Variants in MYCBP2 observed in about 807,000 individuals in gnomAD.
The protein encoded by MYCBP2 is MYC binding protein 2.
In MYCBP2, 120 loss-of-function variants were observed where a neutral mutation model predicts 525.3. The ratio of observed to expected loss-of-function variants is 0.23; its 90% confidence interval spans 0.20 to 0.27. The LOEUF is 0.27. Ranked by LOEUF, MYCBP2 falls within the 10% of genes least tolerant of loss-of-function variation. MYCBP2 has a pLI of 1.00. For missense variants in MYCBP2, 4,149 were observed against 5,657.1 expected (o/e 0.73, Z 8.55); for synonymous variants, 1,894 against 1,955.8 (o/e 0.97, Z 0.83).
At chr13:77,213,793 AC>A (rs1468734124) in intron 21 of MYCBP2, among the ~76,000 whole-genome samples, 2 of 152,196 alleles carry the variant, frequency 1.3e-5, no homozygotes, top group Non-Finnish European at 2.9e-5. Flanking sequence ...CTCAAAAGAC[AC>A]AAAAATATGC....
In MYCBP2 at chr13:77,098,668, G is replaced by A; in HGVS notation, c.8486C>T (p.Ala2829Val). Residue 2829 changes from alanine to valine, a missense_variant, in exon 56 of 83, where the codon GCC becomes GTC. Coordinates refer to ENST00000544440, the MANE Select transcript of MYCBP2 (RefSeq NM_015057.5). ...LSSPKPKTLP[A>V]NRSSPSGASS... ...AGCACCCGATGGGCTAGACCTATTG[G>A]CTGGGAGAGTCTTTGGCTTAGGAGA... The A allele has an allele frequency of 6.2e-7, 1 of 1,613,584 alleles. No homozygotes were observed.
At chr13:77,152,415 A>T (rs1324778106) in intron 46 of MYCBP2, among the ~76,000 whole-genome samples, 1 of 152,238 alleles carries the variant, frequency 6.6e-6, no homozygotes, top group Non-Finnish European at 1.5e-5. Context: ...GGAGTCAGGG[A>T]TATACTGGAT....
At chr13:77,200,566 G>A (rs1479163531) in intron 26 of MYCBP2, among the ~76,000 whole-genome samples, 2 of 152,070 alleles carry the variant, frequency 1.3e-5, no homozygotes, top group East Asian at 1.9e-4. Flanking sequence ...TCCTTGAGAA[G>A]AGCAACTCCA....
At chr13:77,145,535 C>T (rs1245093204) in intron 48 of MYCBP2, among the ~76,000 whole-genome samples, 2 of 152,026 alleles carry the variant, frequency 1.3e-5, no homozygotes, top group African/African-American at 4.8e-5. Context: ...ATTTATTTTC[C>T]CCATGAGTTT....
rs983878569 is a variant in MYCBP2, at chr13:77,181,128, C to T, written c.4941+573G>A. On this transcript the variant is annotated intron_variant, in intron 33 of 82. Coordinates refer to ENST00000544440, the MANE Select transcript of MYCBP2 (RefSeq NM_015057.5). The stretch of plus-strand genomic sequence containing the variant: ...GAGATAAGAAAATTCCAACCCCTAC[C>T]GGTAGAAAAATTTCAAGAAGTCACA... Among the ~76,000 whole-genome samples, 14 of 151,902 alleles carry T rather than the reference C, an allele frequency of 9.2e-5. No individual in the cohort carries two copies. The East Asian group carries it at 1.7e-3, about 19-fold the overall frequency.
At chr13:77,160,993 T>C (rs556665382) in intron 44 of MYCBP2, among the ~76,000 whole-genome samples, 2 of 152,296 alleles carry the variant, frequency 1.3e-5, no homozygotes, top group South Asian at 4.1e-4. Context: ...AGGGTCTGAG[T>C]AACACTGATC....
chr13:77,078,843 T>A lies in MYCBP2; in HGVS notation c.11465A>T (p.Asp3822Val), dbSNP rs1481009632. 1.2e-6 allele frequency: 2 copies of A among 1,613,706 alleles called. No individual in the cohort carries two copies. Among genetic ancestry groups the A allele is most frequent in the Admixed American group, 3.3e-5 (2 of 59,996 alleles). The change falls in exon 66 of 83, where the codon GAT (aspartate) becomes GTT (valine). Residue 3822 changes from aspartate to valine, a missense_variant. This residue lies in a region of MYCBP2 where 509 missense variants were observed against 789.4 expected (regional missense o/e 0.64). Coordinates refer to ENST00000544440, the MANE Select transcript of MYCBP2 (RefSeq NM_015057.5). Reference protein sequence around the residue: ...MTFLTGKAVEDLCRIKQVDLD... With the variant: ...MTFLTGKAVEVLCRIKQVDLD... ...AATTACCTGCTTTATTCTGCACAAATCTTCTACTGCTTTGCCAGTTAAGAA... is the reference window on the plus strand; with the variant it reads ...AATTACCTGCTTTATTCTGCACAAAACTTCTACTGCTTTGCCAGTTAAGAA...
intron 34 of MYCBP2, among the ~76,000 whole-genome samples, chr13:77,179,528 A>T (rs1458595389): frequency 6.6e-6 from 1 of 152,256 alleles, no homozygotes; most frequent in Non-Finnish European, 1.5e-5. Flanking sequence ...TGAGACTTTG[A>T]AAACTTTGTG....
chr13:77,239,098 T>A (rs941002907), intron 17 of MYCBP2, among the ~76,000 whole-genome samples: 2 of 151,952 alleles, frequency 1.3e-5, no homozygotes, highest in Non-Finnish European at 2.9e-5. Context: ...CCAGCCTGGG[T>A]AACAGAGTGG....
chr13:77,076,921 G>A, intron 67 of MYCBP2, 72 bp from the exon 68 acceptor site: 5 of 1,228,004 alleles, frequency 4.1e-6, no homozygotes, highest in Non-Finnish European at 5.9e-6. Context: ...GGACTCATTA[G>A]CTGATTCCGC....
At chr13:77,280,807 T>C (rs761761719) in intron 3 of MYCBP2, among the ~76,000 whole-genome samples, 6 of 152,186 alleles carry the variant, frequency 3.9e-5, no homozygotes, top group Non-Finnish European at 5.9e-5. Flanking sequence ...ACAATGATGA[T>C]AGGGAACTCT....
In MYCBP2 at chr13:77,126,449, G is replaced by C. The variant is rs1484327682; in HGVS notation, c.7753C>G (p.Arg2585Gly). ...TMQEQDMPFLRGGPGMYKVVK... is the reference protein window; with the variant it reads ...TMQEQDMPFLGGGPGMYKVVK... ...ACCTTGTACATGCCTGGCCCTCCTC[G>C]CAAGAATGGCATATCTTGTTCTTGC... The change falls in exon 53 of 83, where the codon CGA (arginine) becomes GGA (glycine). Residue 2585 changes from arginine (R) to glycine (G), a missense_variant. Arg to Gly is a moderately radical substitution (Grantham distance 125, BLOSUM62 -2). Around this residue, in one of 21 missense-constraint regions of MYCBP2, gnomAD observed 692 missense variants for 852.7 expected, o/e 0.81. Coordinates refer to ENST00000544440, the MANE Select transcript of MYCBP2 (RefSeq NM_015057.5). 3 of 1,613,896 alleles carry C rather than the reference G, an allele frequency of 1.9e-6. No individual in the cohort carries two copies. The highest frequency in any genetic ancestry group is 1.3e-5 in the African/African-American group (1 of 75,028).
At chr13:77,073,830 C>T (rs1463144994) in intron 68 of MYCBP2, among the ~76,000 whole-genome samples, 1 of 151,960 alleles carries the variant, frequency 6.6e-6, no homozygotes, top group Non-Finnish European at 1.5e-5. Flanking sequence ...AAAATATGTA[C>T]AAGATGTGTA....
Position 77,273,632 on chromosome 13 carries a change from C to A in MYCBP2, c.785G>T (p.Arg262Leu), listed in dbSNP as rs555431485. 1.3e-6 allele frequency: 2 copies of A among 1,561,254 alleles called. No individual in the cohort carries two copies. Among genetic ancestry groups the A allele is most frequent in the East Asian group, 2.3e-5 (1 of 43,776 alleles). The change falls in exon 5 of 83, where the codon CGA becomes CTA. Residue 262 changes from arginine (R) to leucine (L), a missense_variant. Transcript: ENST00000544440. ...LFQLLLEITV[R>L]STGMNDSTGQ... Reference sequence around the variant, plus strand: ...TGTGCTGTCATTCATCCCAGTACTTCGAACGGTGATTTCCAAAAGAAGCTG... The same window carrying A: ...TGTGCTGTCATTCATCCCAGTACTTAGAACGGTGATTTCCAAAAGAAGCTG...
At chr13:77,073,896 T>C (rs2041824280) in intron 68 of MYCBP2, among the ~76,000 whole-genome samples, 1 of 152,082 alleles carries the variant, frequency 6.6e-6, no homozygotes, top group East Asian at 1.9e-4. Context: ...AGAAAACCCC[T>C]GATACATATC....
At chr13:77,165,198 C>A in intron 42 of MYCBP2, 75 bp downstream of exon 42, 1 of 1,283,660 alleles carries the variant, frequency 7.8e-7, no homozygotes. Context: ...CAATTTAAGT[C>A]AGTTAGAAGC....
rs1191223341 is a variant in MYCBP2, at chr13:77,315,974, T to A, written c.302+10500A>T. Among the ~76,000 whole-genome samples the A allele has an allele frequency of 2.0e-5, 3 of 151,594 alleles. No individual in the cohort carries two copies. In the East Asian group the frequency reaches 5.8e-4, roughly 29 times the overall value. The stretch of plus-strand genomic sequence containing the variant: ...AGGAATACTAGGGAATATCTTCAAA[T>A]TGATAGAGGCCATTGAAACACCTAC... On this transcript the variant is annotated intron_variant, in intron 1 of 82. Transcript: ENST00000544440.
Position 77,126,470 on chromosome 13 carries a change from C to T in MYCBP2, c.7732G>A (p.Glu2578Lys), listed in dbSNP as rs756341371. The T allele has an allele frequency of 6.2e-7, 1 of 1,613,896 alleles. No homozygotes were observed. The highest frequency in any genetic ancestry group is 8.5e-7 in the Non-Finnish European group (1 of 1,179,846). Residue 2578 changes from glutamate to lysine, a missense_variant, in exon 53 of 83, where the codon GAA becomes AAA. By Grantham distance (56) the Glu-to-Lys change is moderately conservative. Around this residue, in one of 21 missense-constraint regions of MYCBP2, gnomAD observed 692 missense variants for 852.7 expected, o/e 0.81. Transcript: ENST00000544440. ...SCCPQEATMQ[E>K]QDMPFLRGGP... ...CCTCGCAAGAATGGCATATCTTGTTCTTGCATTGTTGCTTCCTGTGGGCAG... is the reference window on the plus strand; with the variant it reads ...CCTCGCAAGAATGGCATATCTTGTTTTTGCATTGTTGCTTCCTGTGGGCAG...
At chr13:77,222,134 C>G (rs2065675890) in intron 20 of MYCBP2, among the ~76,000 whole-genome samples, 1 of 152,166 alleles carries the variant, frequency 6.6e-6, no homozygotes. Context: ...AGAGGGCCAA[C>G]TGTAATTACT....
Sources: gnomAD v4.1 joint callset for allele counts (sites outside exome capture counted in the v4.1 genomes callset) on GRCh38, gnomAD v4.1.1 for gene constraint, gnomAD v4.1.1 regional missense constraint, MANE v1.5 for transcripts, NCBI Gene and HGNC (gene_info 2026-07-23, HGNC 2026-07-21) for gene names.